PCDHGA4: variants seen among roughly 807,000 people sequenced by gnomAD.
PCDHGA4 encodes the protein protocadherin gamma subfamily A, 4.
A neutral mutation model predicts 54.6 loss-of-function variants in PCDHGA4; 38 were observed. The observed-to-expected ratio is 0.70, with a 90% CI of 0.54 to 0.91. PCDHGA4 has a LOEUF of 0.91. Ranked by LOEUF, PCDHGA4 falls within the 40% of genes least tolerant of loss-of-function variation. The probability of loss-of-function intolerance (pLI) is 0.00; values close to 1 mark genes in which losing one functional copy is unlikely to be tolerated. For missense variants in PCDHGA4, 1,298 were observed against 1,220.9 expected (o/e 1.06, Z -0.94); for synonymous variants, 511 against 512.9 (o/e 1.00, Z 0.05).
intron 1 of PCDHGA4, among the ~76,000 whole-genome samples, chr5:141,363,263 C>G (rs933065042): frequency 5.9e-5 from 9 of 152,160 alleles, no homozygotes; most frequent in African/African-American, 2.2e-4. Flanking sequence ...TTACTTAAAA[C>G]TTTGCTTTTG....
chr5:141,478,752 G>A (rs2099475483), intron 1 of PCDHGA4: 2 of 1,521,420 alleles, frequency 1.3e-6, no homozygotes, highest in South Asian at 1.3e-5. Context: ...CATTTCAGGG[G>A]GAAGATACTT....
chr5:141,469,155 A>C (rs1342352040), intron 1 of PCDHGA4, among the ~76,000 whole-genome samples: 3 of 152,108 alleles, frequency 2.0e-5, no homozygotes, highest in Admixed American at 1.3e-4. Context: ...ACATGTCTGT[A>C]GTCCCAGCTA....
At position 141,430,761 on chromosome 5, in the gene PCDHGA4, T is replaced by C. The variant is rs769012885; in HGVS notation, c.2515-64046T>C. The C allele has an allele frequency of 2.0e-6, 3 of 1,506,132 alleles. No individual in the cohort carries two copies. The African/African-American group carries it at 4.2e-5, about 21-fold the overall frequency. The allele number at this position is 1,506,132 out of a possible 1,614,324, so 93.3% of individuals were successfully genotyped here. ...AAATAATTCTGGAGGAAGATAAGAATGATTCCTGCGCGACTGCACCGGGAC... is the reference window on the plus strand; with the variant it reads ...AAATAATTCTGGAGGAAGATAAGAACGATTCCTGCGCGACTGCACCGGGAC... On this transcript the variant is annotated intron_variant, in intron 1 of 3. Coordinates refer to ENST00000571252, the MANE Select transcript of PCDHGA4 (RefSeq NM_018917.4).
At chr5:141,419,620 G>C in intron 1 of PCDHGA4, 1 of 1,612,304 alleles carries the variant, frequency 6.2e-7, no homozygotes, top group Non-Finnish European at 8.5e-7. Context: ...CAGGCTACCT[G>C]GTGACCAAGG....
chr5:141,449,098 G>A (rs1314761371), intron 1 of PCDHGA4, among the ~76,000 whole-genome samples: 1 of 152,140 alleles, frequency 6.6e-6, no homozygotes, highest in Admixed American at 6.5e-5. Context: ...TTTTACATAT[G>A]CAGTATATCT....
At chr5:141,418,828 C>G in intron 1 of PCDHGA4, 1 of 1,613,978 alleles carries the variant, frequency 6.2e-7, no homozygotes, top group Non-Finnish European at 8.5e-7. Flanking sequence ...AAGCAAAAGA[C>G]CGAGGATCTC....
chr5:141,399,597 C>T, intron 1 of PCDHGA4: 1 of 1,613,958 alleles, frequency 6.2e-7, no homozygotes, highest in Non-Finnish European at 8.5e-7. Flanking sequence ...TCATGGCCAG[C>T]GACCTAGAGC....
chr5:141,490,103 C>T lies in PCDHGA4; in HGVS notation c.2515-4704C>T, dbSNP rs1012215533. ...TCTTTTGGAGACCACACATCTGAGG[C>T]AGTGCGGAACCTCTTTGGCCTAGAC... On this transcript the variant is annotated intron_variant, in intron 1 of 3. Coordinates refer to ENST00000571252, the MANE Select transcript of PCDHGA4 (RefSeq NM_018917.4). The surrounding 1 kb of genome is among the most constrained non-coding windows in gnomAD (Gnocchi z 5.4). The T allele has an allele frequency of 6.2e-7, 1 of 1,614,122 alleles. No homozygotes were observed. The highest frequency in any genetic ancestry group is 1.3e-5 in the African/African-American group (1 of 74,954).
Position 141,476,788 on chromosome 5 carries a change from C to G in PCDHGA4, c.2515-18019C>G. 1 of 1,613,478 alleles carries G rather than the reference C, an allele frequency of 6.2e-7. No homozygotes were observed. Among genetic ancestry groups the G allele is most frequent in the Non-Finnish European group, 8.5e-7 (1 of 1,180,032 alleles). ...CGTTGGACGGAGGGACCCCAGCTCT[C>G]TCCGCCAGCCTGCCTATTCACATCA... On this transcript the variant is annotated intron_variant, in intron 1 of 3. Coordinates refer to ENST00000571252, the MANE Select transcript of PCDHGA4 (RefSeq NM_018917.4). This position sits in a 1 kb window ranked among gnomAD's most constrained non-coding sequence, Gnocchi z 7.6.
chr5:141,409,988 G>A (rs373071156), intron 1 of PCDHGA4: 43 of 1,613,160 alleles, frequency 2.7e-5, no homozygotes, highest in African/African-American at 5.3e-5. Context: ...AGCGGTGGAC[G>A]CCGACTCGGG....
chr5:141,473,274 TA>T (rs2099318463), intron 1 of PCDHGA4, among the ~76,000 whole-genome samples: 1 of 152,210 alleles, frequency 6.6e-6, no homozygotes, highest in South Asian at 2.1e-4. Context: ...ATGCTATGAT[TA>T]TTTTACTATG....
chr5:141,489,867 G>C lies in PCDHGA4; in HGVS notation c.2515-4940G>C. ...ATCGTGAAGCCCAGGCAAGACATCA[G>C]CTGGTGCTTACTGCTGTGGATGGGG... On this transcript the variant is annotated intron_variant, in intron 1 of 3. Transcript: ENST00000571252. This position sits in a 1 kb window ranked among gnomAD's most constrained non-coding sequence, Gnocchi z 4.5. 1 of 1,614,240 alleles carries C rather than the reference G, an allele frequency of 6.2e-7. No individual in the cohort carries two copies. Among genetic ancestry groups the C allele is most frequent in the Non-Finnish European group, 8.5e-7 (1 of 1,180,034 alleles).
At position 141,432,266 on chromosome 5, in the gene PCDHGA4, T is replaced by A. The variant is rs1444077446; in HGVS notation, c.2515-62541T>A. The A allele has an allele frequency of 9.3e-6, 15 of 1,614,096 alleles. No individual in the cohort carries two copies. Among genetic ancestry groups the A allele is most frequent in the Admixed American group, 3.3e-5 (2 of 60,010 alleles). The stretch of plus-strand genomic sequence containing the variant: ...CACCATCCAAGGGGCAAGCCTATCG[T>A]CCTACGTGTCCATCAACTCCGACAC... On this transcript the variant is annotated intron_variant, in intron 1 of 3. Transcript: ENST00000571252. The surrounding 1 kb of genome is among the most constrained non-coding windows in gnomAD (Gnocchi z 6.0).
chr5:141,400,071 G>A (rs2093956056), intron 1 of PCDHGA4: 1 of 1,613,824 alleles, frequency 6.2e-7, no homozygotes, highest in African/African-American at 1.3e-5. Flanking sequence ...GTGGACAGCC[G>A]CCACTCTCCG....
chr5:141,447,301 G>A (rs557269538), intron 1 of PCDHGA4, among the ~76,000 whole-genome samples: 39 of 152,060 alleles, frequency 2.6e-4, no homozygotes, highest in Non-Finnish European at 1.5e-4. Flanking sequence ...CACCACACCC[G>A]GCTAATTTTT....
intron 1 of PCDHGA4, among the ~76,000 whole-genome samples, chr5:141,484,179 A>G (rs2099592960): frequency 6.6e-6 from 1 of 152,222 alleles, no homozygotes; most frequent in South Asian, 2.1e-4. Context: ...GATCTCAATC[A>G]TTCAAGGAAG....
chr5:141,466,766 T>G (rs1309395984), intron 1 of PCDHGA4, among the ~76,000 whole-genome samples: 2 of 152,194 alleles, frequency 1.3e-5, no homozygotes, highest in Non-Finnish European at 2.9e-5. Context: ...TTTCAAACTG[T>G]TATCTTATTC....
At chr5:141,363,876 G>T (rs566342740) in intron 1 of PCDHGA4, among the ~76,000 whole-genome samples, 1 of 152,224 alleles carries the variant, frequency 6.6e-6, no homozygotes, top group Admixed American at 6.5e-5. Flanking sequence ...GGTAAATAAA[G>T]GACATAGGCT....
intron 1 of PCDHGA4, among the ~76,000 whole-genome samples, chr5:141,463,809 T>G (rs964935762): frequency 1.3e-5 from 2 of 152,216 alleles, no homozygotes; most frequent in African/African-American, 4.8e-5. Context: ...TAAAAGCTTT[T>G]ATCACACATT....
Sources: allele counts gnomAD v4.1 joint callset (sites outside exome capture counted in the v4.1 genomes callset), GRCh38; gene constraint gnomAD v4.1.1; non-coding constraint Gnocchi (gnomAD v3.1); transcripts MANE v1.5; gene names NCBI Gene and HGNC (gene_info 2026-07-23, HGNC 2026-07-21).